MYO1D: variants seen among roughly 807,000 people sequenced by gnomAD.
MYO1D encodes the protein unconventional myosin-Id.
Under a neutral mutation model 122.0 loss-of-function variants are expected in MYO1D, and 83 were observed. That is an observed-to-expected ratio of 0.68 (90% CI 0.57 to 0.82). The LOEUF (loss-of-function observed/expected upper bound fraction) is 0.82. Ranked by LOEUF, MYO1D falls within the 40% of genes least tolerant of loss-of-function variation. The probability of loss-of-function intolerance (pLI) is 0.00; values close to 1 mark genes in which losing one functional copy is unlikely to be tolerated. For synonymous variants in MYO1D, 464 were observed against 446.9 expected (o/e 1.04, Z -0.48); for missense variants, 1,157 against 1,269.5 (o/e 0.91, Z 1.35).
chr17:32,746,187 G>A (rs2089836562), intron 12 of MYO1D, among the ~76,000 whole-genome samples: 1 of 152,136 alleles, frequency 6.6e-6, no homozygotes, highest in African/African-American at 2.4e-5. Context: ...GGTACTTTAA[G>A]GTTACCATAC....
intron 21 of MYO1D, among the ~76,000 whole-genome samples, chr17:32,554,861 T>C (rs1567888273): frequency 6.6e-6 from 1 of 152,208 alleles, no homozygotes; most frequent in Non-Finnish European, 1.5e-5. Flanking sequence ...CGAAGTTTTT[T>C]CCTTTTCAAA....
chr17:32,654,680 C>A, intron 17 of MYO1D, 59 bp from the exon 18 acceptor site: 1 of 1,435,156 alleles, frequency 7.0e-7, no homozygotes, highest in Non-Finnish European at 9.3e-7. Flanking sequence ...TGCATTCTCT[C>A]TCTCTTTTTT....
chr17:32,697,123 A>G (rs1161695314), intron 16 of MYO1D, among the ~76,000 whole-genome samples: 3 of 152,106 alleles, frequency 2.0e-5, no homozygotes, highest in Non-Finnish European at 4.4e-5. Context: ...GGGCCTCGTA[A>G]TTACTCCATT....
intron 1 of MYO1D, among the ~76,000 whole-genome samples, chr17:32,790,992 G>A (rs947594610): frequency 2.0e-4 from 30 of 152,150 alleles, no homozygotes; most frequent in Admixed American, 1.5e-3. Flanking sequence ...AGTAGGAAAC[G>A]CACATGTCAA....
chr17:32,555,216 G>C (rs1299195370), intron 21 of MYO1D, among the ~76,000 whole-genome samples: 1 of 151,872 alleles, frequency 6.6e-6, no homozygotes, highest in Non-Finnish European at 1.5e-5. Context: ...TTCCAGCACA[G>C]CCTTTAACAC....
chr17:32,864,682 G>A (rs1196201416), intron 1 of MYO1D, among the ~76,000 whole-genome samples: 1 of 150,644 alleles, frequency 6.6e-6, no homozygotes, highest in Non-Finnish European at 1.5e-5. Flanking sequence ...AGTTATTACA[G>A]AAAAATCAGA....
intron 20 of MYO1D, among the ~76,000 whole-genome samples, chr17:32,625,186 G>A (rs17182914): frequency 0.12 from 17,627 of 152,136 alleles, 1,347 homozygotes; most frequent in Middle Eastern, 0.23. Flanking sequence ...AGTTTCCTGC[G>A]GGCATACAAG....
At chr17:32,588,478 A>C (rs1429275097) in intron 21 of MYO1D, among the ~76,000 whole-genome samples, 1 of 152,216 alleles carries the variant, frequency 6.6e-6, no homozygotes. Flanking sequence ...AGACTAAACC[A>C]ACCCAAGAGC....
At chr17:32,644,571 G>T (rs2088257727) in intron 19 of MYO1D, among the ~76,000 whole-genome samples, 1 of 152,128 alleles carries the variant, frequency 6.6e-6, no homozygotes, top group Non-Finnish European at 1.5e-5. Flanking sequence ...AGGTCTCTAA[G>T]GACTTGCTTT....
intron 16 of MYO1D, among the ~76,000 whole-genome samples, chr17:32,689,078 A>C (rs2089061098): frequency 6.6e-6 from 1 of 152,166 alleles, no homozygotes; most frequent in Non-Finnish European, 1.5e-5. Flanking sequence ...CTCTTCTTTA[A>C]ATTAAAAATC....
chr17:32,510,700 C>G (rs1909663770), intron 21 of MYO1D: 1 of 152,158 alleles, frequency 6.6e-6, no homozygotes, highest in Non-Finnish European at 1.5e-5. Flanking sequence ...CTGGAGGTGG[C>G]CTGATGGCTC....
intron 16 of MYO1D, among the ~76,000 whole-genome samples, chr17:32,695,156 T>C (rs1011269962): frequency 1.5e-5 from 2 of 132,482 alleles, no homozygotes; most frequent in Admixed American, 1.7e-4. Context: ...ACCGGCATGG[T>C]GGGGGTGGGG....
chr17:32,643,647 G>T, intron 19 of MYO1D, among the ~76,000 whole-genome samples: 1 of 152,064 alleles, frequency 6.6e-6, no homozygotes, highest in East Asian at 1.9e-4. Context: ...GTTTAGTCTT[G>T]GGAGGGTGTA....
Position 32,496,745 on chromosome 17 carries a change from C to T in MYO1D, c.2865-1830G>A, listed in dbSNP as rs555286258. Among the ~76,000 whole-genome samples the T allele has an allele frequency of 2.6e-5, 4 of 152,312 alleles. No homozygotes were observed. In the East Asian group the frequency reaches 5.8e-4, roughly 22 times the overall value. On this transcript the variant is annotated intron_variant, in intron 21 of 21. Transcript: ENST00000318217. ...CCTCCTGACCCTGGCAGCGGCCTCC[C>T]CCTGCTCGCCCTCCTGGAGGGCCTG...
At chr17:32,806,750 A>C (rs1348201514) in intron 1 of MYO1D, among the ~76,000 whole-genome samples, 2 of 152,204 alleles carry the variant, frequency 1.3e-5, no homozygotes, top group African/African-American at 4.8e-5. Context: ...ATCTGTTACT[A>C]TGTTTTTATA....
chr17:32,780,431 T>C (rs2090223009), intron 2 of MYO1D, 145 bp downstream of exon 2: 1 of 725,320 alleles, frequency 1.4e-6, no homozygotes, highest in South Asian at 1.9e-5. Flanking sequence ...ATTTGGTATT[T>C]AACGTTCATC....
At chr17:32,558,256 T>A (rs951641588) in intron 21 of MYO1D, among the ~76,000 whole-genome samples, 1 of 152,166 alleles carries the variant, frequency 6.6e-6, no homozygotes, top group Non-Finnish European at 1.5e-5. Flanking sequence ...GGAAACAATT[T>A]ATTTCTGAGC....
chr17:32,585,016 C>T (rs2087373951), intron 21 of MYO1D, among the ~76,000 whole-genome samples: 1 of 152,174 alleles, frequency 6.6e-6, no homozygotes, highest in South Asian at 2.1e-4. Flanking sequence ...CCAAGAATTT[C>T]CATGCATCAA....
intron 21 of MYO1D, among the ~76,000 whole-genome samples, chr17:32,515,530 A>G (rs1431485451): frequency 6.6e-6 from 1 of 152,166 alleles, no homozygotes. Flanking sequence ...AGGCTCAAGC[A>G]ATCCTCTTGC....
Sources: gnomAD v4.1 joint callset for allele counts (sites outside exome capture counted in the v4.1 genomes callset) on GRCh38, gnomAD v4.1.1 for gene constraint, MANE v1.5 for transcripts, NCBI Gene and HGNC (gene_info 2026-07-23, HGNC 2026-07-21) for gene names.